Variants in IMMP2L observed in about 807,000 individuals in gnomAD.
IMMP2L encodes the protein mitochondrial inner membrane protease subunit 2.
Under a neutral mutation model 19.3 loss-of-function variants are expected in IMMP2L, and 18 were observed. That is an observed-to-expected ratio of 0.93 (90% CI 0.64 to 1.38). The LOEUF is 1.38. Among genes scored for constraint, IMMP2L ranks in the 40% most tolerant of loss-of-function variants. The pLI, the probability that IMMP2L is intolerant of heterozygous loss-of-function variation, is 0.00. For missense variants in IMMP2L, 233 were observed against 218.2 expected, an observed-to-expected ratio of 1.07 and a Z score of -0.43; for synonymous variants, 76 against 73.0, an observed-to-expected ratio of 1.04 and a Z score of -0.21.
chr7:110,928,622 A>G (rs1247748489), intron 4 of IMMP2L, among the ~76,000 whole-genome samples: 1 of 152,080 alleles, frequency 6.6e-6, no homozygotes, highest in East Asian at 1.9e-4. Context: ...ACAAACATAG[A>G]AAGAAAACAA....
At chr7:110,800,068 CAA>C (rs1801139576) in intron 5 of IMMP2L, among the ~76,000 whole-genome samples, 1 of 152,032 alleles carries the variant, frequency 6.6e-6, no homozygotes, top group African/African-American at 2.4e-5. Flanking sequence ...TTCATTATTT[CAA>C]AGTCATTCTG....
chr7:110,901,704 T>C (rs1238259488), intron 4 of IMMP2L, among the ~76,000 whole-genome samples: 2 of 152,218 alleles, frequency 1.3e-5, no homozygotes, highest in African/African-American at 2.4e-5. Context: ...ATAAGTAATA[T>C]TATTTAAGAA....
chr7:111,295,843 T>C (rs1266405394), intron 3 of IMMP2L, among the ~76,000 whole-genome samples: 2 of 151,756 alleles, frequency 1.3e-5, no homozygotes, highest in East Asian at 3.9e-4. Flanking sequence ...GGTTCGATAA[T>C]AAAAATGTGG....
intron 3 of IMMP2L, among the ~76,000 whole-genome samples, chr7:111,283,779 G>A (rs542560718): frequency 3.3e-5 from 5 of 151,566 alleles, no homozygotes; most frequent in South Asian, 2.1e-4. Context: ...AGACCATCCC[G>A]GCTAAAACGG....
At chr7:111,243,548 G>A (rs1327765488) in intron 3 of IMMP2L, among the ~76,000 whole-genome samples, 5 of 141,446 alleles carry the variant, frequency 3.5e-5, no homozygotes, top group Non-Finnish European at 7.6e-5. Flanking sequence ...TAAGTTTTAG[G>A]GTACATGTGC....
intron 3 of IMMP2L, among the ~76,000 whole-genome samples, chr7:111,082,822 C>T (rs1304310429): frequency 7.2e-6 from 1 of 139,116 alleles, no homozygotes; most frequent in Non-Finnish European, 1.5e-5. Flanking sequence ...TGCATCATGT[C>T]TATGGAATGG....
chr7:111,150,333 G>T (rs533948247), intron 3 of IMMP2L, among the ~76,000 whole-genome samples: 10 of 152,200 alleles, frequency 6.6e-5, no homozygotes, highest in African/African-American at 2.2e-4. Context: ...GGGGGTCCTG[G>T]TTCTGCCTCC....
At chr7:111,076,662 T>A (rs992120744) in intron 3 of IMMP2L, among the ~76,000 whole-genome samples, 1 of 152,192 alleles carries the variant, frequency 6.6e-6, no homozygotes, top group Non-Finnish European at 1.5e-5. Context: ...TCATAGGGAA[T>A]CCCTCTGTCC....
In IMMP2L at chr7:111,206,467, G is replaced by A. The variant is rs115930969; in HGVS notation, c.240-242902C>T. Reference sequence around the variant, plus strand: ...ATATGCATTTTGGTGTATAGCGACCGAGTAAGTGACTGTGCTCTTCAGATT... The same window carrying A: ...ATATGCATTTTGGTGTATAGCGACCAAGTAAGTGACTGTGCTCTTCAGATT... On this transcript the variant is annotated intron_variant, in intron 3 of 5. Coordinates refer to ENST00000405709, the MANE Select transcript of IMMP2L (RefSeq NM_032549.4). Among the ~76,000 whole-genome samples, 1,412 of 152,190 alleles carry A rather than the reference G, an allele frequency of 9.3e-3. 28 individuals are homozygous for A. Among genetic ancestry groups the A allele is most frequent in the African/African-American group, 0.033 (1,352 of 41,512 alleles).
intron 3 of IMMP2L, among the ~76,000 whole-genome samples, chr7:110,981,789 T>A (rs746672323): frequency 6.6e-6 from 1 of 152,120 alleles, no homozygotes; most frequent in Non-Finnish European, 1.5e-5. Flanking sequence ...CTAAATCTGG[T>A]CCTCTTCCAC....
In IMMP2L at chr7:111,440,192, T is replaced by C. The variant is rs544430694; in HGVS notation, c.239+47046A>G. Among the ~76,000 whole-genome samples, 789 of 152,010 alleles carry C rather than the reference T, an allele frequency of 5.2e-3. 29 individuals carry two copies. The highest frequency in any genetic ancestry group is 0.018 in the African/African-American group (764 of 41,298). On this transcript the variant is annotated intron_variant, in intron 3 of 5. Coordinates refer to ENST00000405709, the MANE Select transcript of IMMP2L (RefSeq NM_032549.4). ...TATTTTGACCTCCTCCCATGAATCATGAATCACAAATCCCATGAATCAGTT... is the reference window on the plus strand; with the variant it reads ...TATTTTGACCTCCTCCCATGAATCACGAATCACAAATCCCATGAATCAGTT...
At chr7:111,377,498 C>G (rs780499070) in intron 3 of IMMP2L, among the ~76,000 whole-genome samples, 7 of 151,910 alleles carry the variant, frequency 4.6e-5, no homozygotes, top group Non-Finnish European at 7.4e-5. Context: ...AACTGCTTTT[C>G]CCTCCATTCT....
chr7:110,717,283 T>C (rs1031500611), intron 5 of IMMP2L, among the ~76,000 whole-genome samples: 4 of 152,142 alleles, frequency 2.6e-5, no homozygotes, highest in Non-Finnish European at 4.4e-5. Context: ...GAGACCATCC[T>C]GGCTAATACG....
intron 3 of IMMP2L, among the ~76,000 whole-genome samples, chr7:111,436,512 C>T (rs1420780877): frequency 6.6e-6 from 1 of 151,186 alleles, no homozygotes; most frequent in Non-Finnish European, 1.5e-5. Flanking sequence ...TTTTTTCTTA[C>T]ACACACACAT....
chr7:111,364,172 C>A (rs1829538087), intron 3 of IMMP2L, among the ~76,000 whole-genome samples: 1 of 152,070 alleles, frequency 6.6e-6, no homozygotes, highest in Non-Finnish European at 1.5e-5. Flanking sequence ...CAGCACAAAG[C>A]AGGTGCTAAA....
intron 3 of IMMP2L, among the ~76,000 whole-genome samples, chr7:111,242,214 T>C (rs1319483992): frequency 6.6e-5 from 10 of 152,076 alleles, no homozygotes; most frequent in Non-Finnish European, 1.0e-4. Context: ...CAGGTGTGTG[T>C]TGCTCAGTGA....
intron 2 of IMMP2L, among the ~76,000 whole-genome samples, chr7:111,499,963 C>A (rs1844008519): frequency 6.6e-6 from 1 of 152,124 alleles, no homozygotes; most frequent in South Asian, 2.1e-4. Flanking sequence ...AGGTGCAGGA[C>A]AGTGGGTGCA....
chr7:110,986,302 A>G (rs1018516113), intron 3 of IMMP2L, among the ~76,000 whole-genome samples: 5 of 152,106 alleles, frequency 3.3e-5, no homozygotes, highest in African/African-American at 1.2e-4. Flanking sequence ...CCCCTGGCCC[A>G]TGATGCCCCC....
chr7:110,983,014 A>G (rs1821466024), intron 3 of IMMP2L, among the ~76,000 whole-genome samples: 1 of 152,106 alleles, frequency 6.6e-6, no homozygotes, highest in Non-Finnish European at 1.5e-5. Context: ...AATGCTTATC[A>G]TCATTAAATA....
Sources: gnomAD v4.1 joint callset for allele counts (sites outside exome capture counted in the v4.1 genomes callset) on GRCh38, gnomAD v4.1.1 for gene constraint, MANE v1.5 for transcripts, NCBI Gene and HGNC (gene_info 2026-07-23, HGNC 2026-07-21) for gene names.